ZFHX3: variants seen among roughly 807,000 people sequenced by gnomAD.
ZFHX3 encodes zinc finger homeobox protein 3.
In ZFHX3, 42 loss-of-function variants were observed where a neutral mutation model predicts 279.1. That is an observed-to-expected ratio of 0.15 (90% CI 0.12 to 0.19). The LOEUF is 0.19. Among genes scored for constraint, ZFHX3 ranks in the 10% least tolerant of loss-of-function variants. The pLI is 1.00. For synonymous variants in ZFHX3, 2,293 were observed against 1,957.8 expected (o/e 1.17, Z -4.52); for missense variants, 4,981 against 4,754.0 (o/e 1.05, Z -1.40).
At chr16:73,009,413 C>T (rs1963833960) in intron 1 of ZFHX3, among the ~76,000 whole-genome samples, 2 of 151,790 alleles carry the variant, frequency 1.3e-5, no homozygotes, top group Admixed American at 6.6e-5. Context: ...CAAACACCAC[C>T]AAGTTATGTA....
At chr16:73,636,958 T>C (rs1189656090) in intron 2 of ZFHX3, among the ~76,000 whole-genome samples, 6 of 152,078 alleles carry the variant, frequency 3.9e-5, no homozygotes, top group African/African-American at 1.4e-4. Flanking sequence ...CCAGAAATTT[T>C]GGGAACAAAC....
chr16:72,852,315 A>G (rs926640255), intron 4 of ZFHX3, among the ~76,000 whole-genome samples: 4 of 152,144 alleles, frequency 2.6e-5, no homozygotes, highest in Non-Finnish European at 4.4e-5. Flanking sequence ...TTTTTTTTCT[A>G]AAAGAGGGCT....
chr16:73,744,059 C>G (rs1191045280), intron 1 of ZFHX3, among the ~76,000 whole-genome samples: 2 of 152,160 alleles, frequency 1.3e-5, no homozygotes, highest in African/African-American at 4.8e-5. Flanking sequence ...CAAATCAGAC[C>G]ACATTGCATG....
chr16:73,708,079 T>TC (rs1555533791), intron 1 of ZFHX3, among the ~76,000 whole-genome samples: 20 of 144,108 alleles, frequency 1.4e-4, no homozygotes, highest in Non-Finnish European at 2.1e-4. Context: ...TTGGGTGTGG[T>TC]GGGGGGGGGA....
At chr16:73,158,488 T>C (rs1207613897) in intron 5 of ZFHX3, among the ~76,000 whole-genome samples, 1 of 152,094 alleles carries the variant, frequency 6.6e-6, no homozygotes, top group Non-Finnish European at 1.5e-5. Context: ...TTTAAAAACT[T>C]TTTTTTATCA....
At chr16:73,106,697 G>T (rs902771975) in intron 7 of ZFHX3, among the ~76,000 whole-genome samples, 5 of 152,192 alleles carry the variant, frequency 3.3e-5, no homozygotes, top group Non-Finnish European at 5.9e-5. Context: ...ATGTGACTTT[G>T]TCTCCAAGTT....
chr16:73,219,067 T>C (rs1298338779), intron 5 of ZFHX3, among the ~76,000 whole-genome samples: 1 of 152,238 alleles, frequency 6.6e-6, no homozygotes, highest in African/African-American at 2.4e-5. Context: ...TTGTGTCTGG[T>C]CTTTTACTTA....
intron 3 of ZFHX3, among the ~76,000 whole-genome samples, chr16:73,419,229 T>G (rs1269204169): frequency 6.6e-6 from 1 of 152,234 alleles, no homozygotes; most frequent in South Asian, 2.1e-4. Flanking sequence ...GCAGATAGTA[T>G]GCTAAGTGCG....
intron 2 of ZFHX3, among the ~76,000 whole-genome samples, chr16:73,562,110 T>G (rs2020377912): frequency 1.3e-5 from 2 of 152,160 alleles, no homozygotes; most frequent in South Asian, 4.1e-4. Context: ...GTCTAGTCAA[T>G]GTATCTGCTG....
chr16:73,400,210 G>A (rs1343089192), intron 3 of ZFHX3: 1 of 152,136 alleles, frequency 6.6e-6, no homozygotes, highest in African/African-American at 2.4e-5. Flanking sequence ...GAAGATATAA[G>A]TTCCTGCCTT....
chr16:73,587,790 C>G (rs538684668), intron 2 of ZFHX3, among the ~76,000 whole-genome samples: 3 of 152,024 alleles, frequency 2.0e-5, no homozygotes, highest in Non-Finnish European at 4.4e-5. Flanking sequence ...ATAGTCCATT[C>G]CAAGAAAAAC....
chr16:72,791,527 C>G (rs566064800), intron 9 of ZFHX3: 1 of 152,362 alleles, frequency 6.6e-6, no homozygotes, highest in African/African-American at 2.4e-5. Context: ...GGTGGAAGCT[C>G]TGGCTCCTAC....
intron 3 of ZFHX3, among the ~76,000 whole-genome samples, chr16:73,321,448 G>T (rs998615827): frequency 4.6e-5 from 7 of 152,206 alleles, no homozygotes; most frequent in African/African-American, 1.7e-4. Flanking sequence ...ACATAACTCA[G>T]TCCAGGGCAT....
At chr16:73,017,121 G>C (rs1025994217) in intron 1 of ZFHX3, among the ~76,000 whole-genome samples, 26 of 151,828 alleles carry the variant, frequency 1.7e-4, no homozygotes, top group Admixed American at 5.9e-4. Context: ...CAGCTGCTTG[G>C]GGGTGCTGAG....
rs76488814 is a variant in ZFHX3, at chr16:72,922,170, G to A, written c.3216+28299C>T. ...AGAAATCCCACTCCTGGGTTCTTGC[G>A]GAGAACTTTAATCACAGGGGGTGAC... On this transcript the variant is annotated intron_variant, in intron 3 of 9. Coordinates refer to ENST00000268489, the MANE Select transcript of ZFHX3 (RefSeq NM_006885.4). 3.3e-3 allele frequency among the ~76,000 whole-genome samples: 503 copies of A among 152,248 alleles called. 2 individuals carry two copies. Among genetic ancestry groups the A allele is most frequent in the African/African-American group, 0.012 (488 of 41,538 alleles).
intron 2 of ZFHX3, among the ~76,000 whole-genome samples, chr16:73,463,936 A>C (rs1355466858): frequency 6.6e-6 from 1 of 152,222 alleles, no homozygotes; most frequent in African/African-American, 2.4e-5. Flanking sequence ...GGGGTCAGTG[A>C]ACTTATTTAT....
At chr16:73,334,463 C>T (rs1458379228) in intron 3 of ZFHX3, among the ~76,000 whole-genome samples, 1 of 152,116 alleles carries the variant, frequency 6.6e-6, no homozygotes, top group Non-Finnish European at 1.5e-5. Context: ...GCACTTTTGC[C>T]TCCAGGAGAC....
At chr16:73,558,282 G>A (rs1349969957) in intron 2 of ZFHX3, 1 of 152,164 alleles carries the variant, frequency 6.6e-6, no homozygotes, top group Admixed American at 6.5e-5. Flanking sequence ...CTGAATAACA[G>A]GTTTTTTCAA....
intron 4 of ZFHX3, among the ~76,000 whole-genome samples, chr16:73,296,882 T>G (rs1413453974): frequency 0.022 from 2,655 of 120,650 alleles, 225 homozygotes; most frequent in African/African-American, 0.077. Context: ...CAGGAATTTT[T>G]TTTTTTTTTT....
Sources: allele counts gnomAD v4.1 joint callset (sites outside exome capture counted in the v4.1 genomes callset), GRCh38; gene constraint gnomAD v4.1.1; transcripts MANE v1.5; gene names NCBI Gene and HGNC (gene_info 2026-07-23, HGNC 2026-07-21).